The following AUTS2 variants were observed in gnomAD, a reference collection of about 807,000 sequenced individuals.
AUTS2 encodes activator of transcription and developmental regulator AUTS2.
In AUTS2, 17 loss-of-function variants were observed where a neutral mutation model predicts 112.4. The ratio of observed to expected loss-of-function variants is 0.15; its 90% CI spans 0.10 to 0.23. AUTS2 has a LOEUF of 0.23. Among genes scored for constraint, AUTS2 ranks in the 10% least tolerant of loss-of-function variants. The pLI, the probability that AUTS2 is intolerant of heterozygous loss-of-function variation, is 1.00. For missense variants in AUTS2, 1,510 were observed against 1,701.6 expected, an observed-to-expected ratio of 0.89 and a Z score of 1.98; for synonymous variants, 751 against 702.7, an observed-to-expected ratio of 1.07 and a Z score of -1.09.
chr7:70,758,912 C>CTAACCTGTGT (rs1007667735), intron 6 of AUTS2, among the ~76,000 whole-genome samples: 1 of 151,912 alleles, frequency 6.6e-6, no homozygotes, highest in Admixed American at 6.6e-5. Flanking sequence ...TGCCTGACGC[C>CTAACCTGTGT]TGTGCCTCAA....
At chr7:69,737,607 G>T (rs966596585) in intron 1 of AUTS2, among the ~76,000 whole-genome samples, 1 of 152,098 alleles carries the variant, frequency 6.6e-6, no homozygotes, top group Non-Finnish European at 1.5e-5. Context: ...TAAGTCCCCA[G>T]TCTGCTCCTG....
At chr7:70,363,465 G>GAAAAA (rs369462886) in intron 4 of AUTS2, among the ~76,000 whole-genome samples, 1 of 110,776 alleles carries the variant, frequency 9.0e-6, no homozygotes, top group Non-Finnish European at 1.9e-5. Flanking sequence ...ATAAAAAAAA[G>GAAAAA]AAAAAAAAAA....
intron 5 of AUTS2, among the ~76,000 whole-genome samples, chr7:70,688,995 C>T (rs1319259557): frequency 6.6e-6 from 1 of 152,192 alleles, no homozygotes; most frequent in African/African-American, 2.4e-5. Context: ...AGAGTTTCAT[C>T]ACATCTTAAG....
At chr7:70,452,396 T>C (rs1585161878) in intron 5 of AUTS2, among the ~76,000 whole-genome samples, 1 of 151,934 alleles carries the variant, frequency 6.6e-6, no homozygotes, top group South Asian at 2.1e-4. Flanking sequence ...GAGGCGGAGG[T>C]TGCAGTGAGC....
At chr7:70,488,003 T>C (rs1798082846) in intron 5 of AUTS2, among the ~76,000 whole-genome samples, 1 of 152,148 alleles carries the variant, frequency 6.6e-6, no homozygotes, top group East Asian at 1.9e-4. Context: ...GACCTGGTGG[T>C]CTGGGCAAAT....
chr7:69,951,020 G>C (rs903422443), intron 2 of AUTS2, among the ~76,000 whole-genome samples: 1 of 151,936 alleles, frequency 6.6e-6, no homozygotes, highest in African/African-American at 2.4e-5. Context: ...AATGGGGAGA[G>C]GGAAGAAAGG....
At chr7:69,902,461 T>C (rs770479951) in intron 2 of AUTS2, among the ~76,000 whole-genome samples, 2 of 152,212 alleles carry the variant, frequency 1.3e-5, no homozygotes, top group Non-Finnish European at 2.9e-5. Context: ...GTGCCTGTTA[T>C]TGAGAACTAC....
chr7:70,102,547 A>T (rs1804554976), intron 2 of AUTS2, among the ~76,000 whole-genome samples: 1 of 152,052 alleles, frequency 6.6e-6, no homozygotes, highest in African/African-American at 2.4e-5. Context: ...ACACACACAC[A>T]CACGTACGTA....
At chr7:69,841,682 C>T (rs946022011) in intron 1 of AUTS2, among the ~76,000 whole-genome samples, 3 of 152,092 alleles carry the variant, frequency 2.0e-5, no homozygotes, top group Non-Finnish European at 2.9e-5. Context: ...GGTATTACTC[C>T]GGATTACAAG....
chr7:70,407,459 C>T (rs1326207558), intron 4 of AUTS2, among the ~76,000 whole-genome samples: 1 of 152,102 alleles, frequency 6.6e-6, no homozygotes, highest in African/African-American at 2.4e-5. Flanking sequence ...GGAGTATGTT[C>T]CCTTGAAAAA....
intron 4 of AUTS2, among the ~76,000 whole-genome samples, chr7:70,333,706 A>G (rs1368640235): frequency 6.6e-6 from 1 of 152,132 alleles, no homozygotes; most frequent in African/African-American, 2.4e-5. Context: ...CTAACACAAG[A>G]ACAGAAAACC....
chr7:70,730,971 G>C (rs1787349959), intron 6 of AUTS2, among the ~76,000 whole-genome samples: 1 of 152,186 alleles, frequency 6.6e-6, no homozygotes, highest in Non-Finnish European at 1.5e-5. Context: ...TTGTGGGTTG[G>C]ATTTGCAATT....
intron 5 of AUTS2, among the ~76,000 whole-genome samples, chr7:70,519,278 G>C (rs1294063646): frequency 6.6e-6 from 1 of 152,192 alleles, no homozygotes; most frequent in African/African-American, 2.4e-5. Context: ...TTTCAGGTTT[G>C]TTGGGCCCAA....
rs190944125 is a variant in AUTS2 at position 69,752,553 on chromosome 7, G to A, written c.310-146733G>A. Among the ~76,000 whole-genome samples, 10 of 152,276 alleles carry A rather than the reference G, an allele frequency of 6.6e-5. No homozygotes were observed. The East Asian group carries it at 1.5e-3, about 24-fold the overall frequency. ...TTTTAATCAATGCCGCTTGCACTCA[G>A]TATTTAAGGTCAGAATCTTGTGTGC... On this transcript the variant is annotated intron_variant, in intron 1 of 18. Coordinates refer to ENST00000342771, the MANE Select transcript of AUTS2 (RefSeq NM_015570.4).
intron 4 of AUTS2, among the ~76,000 whole-genome samples, chr7:70,301,517 A>G (rs1177551285): frequency 6.6e-6 from 1 of 152,142 alleles, no homozygotes; most frequent in Non-Finnish European, 1.5e-5. Context: ...TTGAACCCAT[A>G]AAGTAGGGCT....
chr7:69,648,986 C>T (rs1052859208), intron 1 of AUTS2, among the ~76,000 whole-genome samples: 3 of 152,030 alleles, frequency 2.0e-5, no homozygotes, highest in Non-Finnish European at 4.4e-5. Flanking sequence ...TTAATCACTC[C>T]AAGATGGTTA....
Position 70,790,650 on chromosome 7 carries a change from G to T in AUTS2, c.3434G>T (p.Arg1145Leu), listed in dbSNP as rs371317370. The change falls in exon 19 of 19, where the codon CGG becomes CTG. Residue 1145 changes from arginine to leucine, a missense_variant. Transcript: ENST00000342771. The surrounding 1 kb of genome is among the most constrained non-coding windows in gnomAD (Gnocchi z 7.6). The part of the protein sequence containing the change: ...LSVDPRREHE[R>L]GGHLDERERL... ...GTGGACCCTCGGCGGGAGCACGAGC[G>T]GGGAGGCCACCTGGACGAGCGGGAG... 1.2e-6 allele frequency: 2 copies of T among 1,612,902 alleles called. No homozygotes were observed. Among genetic ancestry groups the T allele is most frequent in the East Asian group, 2.2e-5 (1 of 44,796 alleles).
intron 1 of AUTS2, among the ~76,000 whole-genome samples, chr7:69,871,042 G>A (rs1011320192): frequency 6.6e-6 from 1 of 152,144 alleles, no homozygotes; most frequent in African/African-American, 2.4e-5. Context: ...AACACTGCAT[G>A]AAATGAACTC....
At chr7:69,872,896 G>A (rs148122189) in intron 1 of AUTS2, among the ~76,000 whole-genome samples, 65 of 136,846 alleles carry the variant, frequency 4.7e-4, no homozygotes, top group African/African-American at 1.7e-3. Context: ...TGGCTGGAGT[G>A]CAGTGGTGTG....
Sources: gnomAD v4.1 joint callset for allele counts (sites outside exome capture counted in the v4.1 genomes callset) on GRCh38, gnomAD v4.1.1 for gene constraint, Gnocchi (gnomAD v3.1) non-coding constraint, MANE v1.5 for transcripts, NCBI Gene and HGNC (gene_info 2026-07-23, HGNC 2026-07-21) for gene names.